Variants in SYNE1 observed in about 807,000 individuals in gnomAD.
The protein encoded by SYNE1 is spectrin repeat containing nuclear envelope protein 1.
SYNE1 carries 616 observed loss-of-function variants against 1,111.0 expected under a neutral mutation model. The ratio of observed to expected loss-of-function variants is 0.55; its 90% CI spans 0.52 to 0.59. SYNE1 has a LOEUF of 0.59. Among genes scored for constraint, SYNE1 ranks in the 20% least tolerant of loss-of-function variants. The pLI is 0.00. For synonymous variants in SYNE1, 3,855 were observed against 3,825.8 expected (o/e 1.01, Z -0.28); for missense variants, 10,006 against 10,417.0 (o/e 0.96, Z 1.72).
rs1792916692 is a variant in SYNE1, at chr6:152,462,833, T to C, written c.2155A>G (p.Thr719Ala). The C allele has an allele frequency of 1.2e-5, 19 of 1,613,892 alleles. No individual in the cohort carries two copies. Among genetic ancestry groups the C allele is most frequent in the Non-Finnish European group, 1.5e-5 (18 of 1,179,954 alleles). The change falls in exon 20 of 146, where the codon ACC becomes GCC. Residue 719 changes from threonine (T) to alanine (A), a missense_variant. Around this residue, in one of 7 missense-constraint regions of SYNE1, gnomAD observed 1,971 missense variants for 2,084.1 expected, o/e 0.95. Coordinates refer to ENST00000367255, the MANE Select transcript of SYNE1 (RefSeq NM_182961.4). ...GCTTCCGTTGCAAAAGCAGACAGGG[T>C]AACAACACAGTCTGTGTATTCCTTC... ...MKKEYTDCVV[T>A]LSAFATEAHK...
chr6:152,171,826 G>C (rs969086771), intron 130 of SYNE1, among the ~76,000 whole-genome samples: 4 of 152,074 alleles, frequency 2.6e-5, no homozygotes, highest in African/African-American at 9.7e-5. Flanking sequence ...TTTTTCTATG[G>C]CTGCTTTCAC....
chr6:152,559,585 A>G (rs2099388035), intron 3 of SYNE1, among the ~76,000 whole-genome samples: 1 of 152,242 alleles, frequency 6.6e-6, no homozygotes. Context: ...CTTGAGATGA[A>G]TGAAAATGGA....
chr6:152,551,411 A>G (rs2099346108), intron 3 of SYNE1, among the ~76,000 whole-genome samples: 1 of 152,146 alleles, frequency 6.6e-6, no homozygotes, highest in Admixed American at 6.6e-5. Context: ...TGACCAGATC[A>G]ATTTGCTGAT....
At chr6:152,154,399 T>G (rs1312776437) in intron 133 of SYNE1, among the ~76,000 whole-genome samples, 4 of 151,912 alleles carry the variant, frequency 2.6e-5, no homozygotes, top group Non-Finnish European at 4.4e-5. Flanking sequence ...AAATGAATTA[T>G]AATGAAAATG....
chr6:152,148,370 G>T lies in SYNE1; in HGVS notation c.24651C>A (p.Asp8217Glu), dbSNP rs751712924. The change falls in exon 137 of 146, where the codon GAC becomes GAA. Residue 8217 changes from aspartate to glutamate, a missense_variant. This residue lies in a region of SYNE1 where 761 missense variants were observed against 795.5 expected (regional missense o/e 0.96). Coordinates refer to ENST00000367255, the MANE Select transcript of SYNE1 (RefSeq NM_182961.4). This position sits in a 1 kb window ranked among gnomAD's most constrained non-coding sequence, Gnocchi z 4.1. ...HKKLIRLPLP[D>E]DEHDLSDREL... Reference sequence around the variant, plus strand: ...CCCTGTCTGAGAGGTCGTGCTCATCGTCTGGGAGCTAGAAGGGAAGTCAAG... The same window carrying T: ...CCCTGTCTGAGAGGTCGTGCTCATCTTCTGGGAGCTAGAAGGGAAGTCAAG... 1 of 1,613,732 alleles carries T rather than the reference G, an allele frequency of 6.2e-7. No homozygotes were observed. The highest frequency in any genetic ancestry group is 8.5e-7 in the Non-Finnish European group (1 of 1,179,934).
In SYNE1 at chr6:152,409,261, T is replaced by C. The variant is rs886109575; in HGVS notation, c.6382-35A>G. 4 of 1,600,082 alleles carry C rather than the reference T, an allele frequency of 2.5e-6. No individual in the cohort carries two copies. In the African/African-American group the frequency reaches 4.0e-5, roughly 16 times the overall value. Reference sequence around the variant, plus strand: ...AATGATTTCTTAATTAATAAAATAGTCAGTGATAAGTCATGAGTTTAAAAC... The same window carrying C: ...AATGATTTCTTAATTAATAAAATAGCCAGTGATAAGTCATGAGTTTAAAAC... On this transcript the variant is annotated intron_variant, in intron 43 of 145. Coordinates refer to ENST00000367255, the MANE Select transcript of SYNE1 (RefSeq NM_182961.4).
At chr6:152,537,298 C>G (rs2099248136) in intron 4 of SYNE1, among the ~76,000 whole-genome samples, 2 of 151,668 alleles carry the variant, frequency 1.3e-5, no homozygotes, top group African/African-American at 4.8e-5. Context: ...TAATAAACAT[C>G]AAAAAAGAAC....
intron 130 of SYNE1, among the ~76,000 whole-genome samples, chr6:152,164,534 A>G (rs1274398460): frequency 6.6e-6 from 1 of 152,252 alleles, no homozygotes; most frequent in Non-Finnish European, 1.5e-5. Context: ...GCAGGGGTCC[A>G]GGGCACAGGA....
chr6:152,290,724 C>A (rs549180926), intron 95 of SYNE1, among the ~76,000 whole-genome samples: 1 of 152,046 alleles, frequency 6.6e-6, no homozygotes, highest in African/African-American at 2.4e-5. Flanking sequence ...GAAATAAAAA[C>A]TAAAGTATTT....
chr6:152,428,360 G>C lies in SYNE1; in HGVS notation c.4821C>G (p.Ser1607Arg). ...DLCQALESLS[S>R]AITAFSASAR... ...CACTGGCTGAGAAGGCAGTGATCGCGCTGCTCAGTGACTCCAGGGCCTGGC... is the reference window on the plus strand; with the variant it reads ...CACTGGCTGAGAAGGCAGTGATCGCCCTGCTCAGTGACTCCAGGGCCTGGC... Residue 1607 changes from serine (S) to arginine (R), a missense_variant, in exon 37 of 146, where the codon AGC becomes AGG. This residue lies in a region of SYNE1 where 1,971 missense variants were observed against 2,084.1 expected (regional missense o/e 0.95). Coordinates refer to ENST00000367255, the MANE Select transcript of SYNE1 (RefSeq NM_182961.4). 1 of 1,613,960 alleles carries C rather than the reference G, an allele frequency of 6.2e-7. No homozygotes were observed. Among genetic ancestry groups the C allele is most frequent in the African/African-American group, 1.3e-5 (1 of 75,014 alleles).
rs114083043 is a variant in SYNE1, at chr6:152,189,905, T to C, written c.23146-498A>G. 3.6e-3 allele frequency among the ~76,000 whole-genome samples: 548 copies of C among 152,340 alleles called. 5 individuals are homozygous for C. Among genetic ancestry groups the C allele is most frequent in the African/African-American group, 0.013 (526 of 41,574 alleles). ...TAAGACAATGAAGTTTAAGCAGCAC[T>C]GATGACTCTTCCTTTTACAAAAGTT... On this transcript the variant is annotated intron_variant, in intron 127 of 145. Coordinates refer to ENST00000367255, the MANE Select transcript of SYNE1 (RefSeq NM_182961.4).
chr6:152,364,030 G>A (rs897849157), intron 63 of SYNE1, among the ~76,000 whole-genome samples: 1 of 152,202 alleles, frequency 6.6e-6, no homozygotes, highest in African/African-American at 2.4e-5. Context: ...TGTCATGGGA[G>A]GGACCCAATG....
intron 9 of SYNE1, among the ~76,000 whole-genome samples, chr6:152,504,751 C>A (rs1475440145): frequency 1.3e-5 from 2 of 152,158 alleles, no homozygotes; most frequent in African/African-American, 4.8e-5. Flanking sequence ...ACGTGCCAAA[C>A]AATTGAAATG....
rs1235901621 is a variant in SYNE1, at chr6:152,189,269, C to T, written c.23284G>A (p.Glu7762Lys). The change falls in exon 128 of 146, where the codon GAA becomes AAA. Residue 7762 changes from glutamate to lysine, a missense_variant. By Grantham distance (56) the Glu-to-Lys change is moderately conservative. Around this residue, in one of 7 missense-constraint regions of SYNE1, gnomAD observed 2,182 missense variants for 2,287.8 expected, o/e 0.95. Coordinates refer to ENST00000367255, the MANE Select transcript of SYNE1 (RefSeq NM_182961.4). ...ERVELLQRQW[E>K]ELCHQLSLRR... is the part of the protein sequence containing the mutation. Reference sequence around the variant, plus strand: ...TATCTTACCTGGTGGCATAGTTCTTCCCACTGCCTTTGCAGAAGCTCTACG... The same window carrying T: ...TATCTTACCTGGTGGCATAGTTCTTTCCACTGCCTTTGCAGAAGCTCTACG... The T allele has an allele frequency of 1.2e-6, 2 of 1,613,864 alleles. No homozygotes were observed. The highest frequency in any genetic ancestry group is 1.7e-5 in the Admixed American group (1 of 59,988).
chr6:152,281,770 A>G lies in SYNE1; in HGVS notation c.18381+37T>C, dbSNP rs371587383. ...TCTGTAGTTTAAAAAAATGTGCTTC[A>G]TGATGTTGACATATTCCTTTGAGAC... On this transcript the variant is annotated intron_variant, in intron 97 of 145. Transcript: ENST00000367255. 53 of 1,612,616 alleles carry G rather than the reference A, an allele frequency of 3.3e-5. No individual in the cohort carries two copies. The African/African-American group carries it at 6.1e-4, about 19-fold the overall frequency.
At chr6:152,537,767 T>C (rs968659128) in intron 4 of SYNE1, among the ~76,000 whole-genome samples, 2 of 152,168 alleles carry the variant, frequency 1.3e-5, no homozygotes, top group African/African-American at 2.4e-5. Context: ...TTTATTTCTT[T>C]CTCCTGCCTG....
chr6:152,289,728 G>C (rs749008757), intron 95 of SYNE1, among the ~76,000 whole-genome samples: 1 of 152,152 alleles, frequency 6.6e-6, no homozygotes, highest in African/African-American at 2.4e-5. Context: ...CCAGGTTCAC[G>C]TCATTCTCCT....
In SYNE1 at chr6:152,329,889, T is replaced by A. The variant is rs569749682; in HGVS notation, c.14796A>T (p.Glu4932Asp). Residue 4932 changes from glutamate to aspartate, a missense_variant, in exon 78 of 146, where the codon GAA becomes GAT. Physicochemically the swap from Glu to Asp is conservative, Grantham distance 45 (BLOSUM62 2). Coordinates refer to ENST00000367255, the MANE Select transcript of SYNE1 (RefSeq NM_182961.4). The stretch of plus-strand genomic sequence containing the variant: ...TGATTCTCAAGCTGGACTGGACCTC[T>A]TCCTGATGAATTTGGATTTTTCTGA... ...EEIRKIQIHQ[E>D]EVQSSLRIMN... 2.5e-6 allele frequency: 4 copies of A among 1,614,164 alleles called. No homozygotes were observed. In the East Asian group the frequency reaches 8.9e-5, roughly 36 times the overall value.
intron 3 of SYNE1, among the ~76,000 whole-genome samples, chr6:152,599,232 A>G (rs899940262): frequency 3.3e-5 from 5 of 152,234 alleles, no homozygotes; most frequent in Admixed American, 3.3e-4. Flanking sequence ...TAATGACTAC[A>G]CAAGCCTGCC....
Sources: gnomAD v4.1 joint callset for allele counts (sites outside exome capture counted in the v4.1 genomes callset) on GRCh38, gnomAD v4.1.1 for gene constraint, gnomAD v4.1.1 regional missense constraint, Gnocchi (gnomAD v3.1) non-coding constraint, MANE v1.5 for transcripts, NCBI Gene and HGNC (gene_info 2026-07-23, HGNC 2026-07-21) for gene names.